CACNA2D2: variants seen among roughly 807,000 people sequenced by gnomAD.
CACNA2D2 encodes the protein calcium voltage-gated channel auxiliary subunit alpha2delta 2.
In CACNA2D2, 48 loss-of-function variants were observed where a neutral mutation model predicts 166.4. The ratio of observed to expected loss-of-function variants is 0.29; its 90% CI spans 0.23 to 0.37. The LOEUF (loss-of-function observed/expected upper bound fraction) is 0.37. Among genes scored for constraint, CACNA2D2 ranks in the 10% least tolerant of loss-of-function variants. The probability of loss-of-function intolerance (pLI) is 1.00; values close to 1 mark genes in which losing one functional copy is unlikely to be tolerated. For synonymous variants in CACNA2D2, 561 were observed against 573.7 expected (o/e 0.98, Z 0.32); for missense variants, 1,122 against 1,433.0 (o/e 0.78, Z 3.50).
chr3:50,439,540 A>G (rs1203533370), intron 2 of CACNA2D2, among the ~76,000 whole-genome samples: 3 of 152,166 alleles, frequency 2.0e-5, no homozygotes, highest in Non-Finnish European at 2.9e-5. Flanking sequence ...CTCCGGGGAG[A>G]CTGGCGCTCC....
rs1242064838 is a variant in CACNA2D2 at position 50,365,537 on chromosome 3, G to A, written c.2972-55C>T. 1.9e-6 allele frequency: 3 copies of A among 1,601,990 alleles called. No individual in the cohort carries two copies. Among genetic ancestry groups the A allele is most frequent in the East Asian group, 2.2e-5 (1 of 44,468 alleles). On this transcript the variant is annotated intron_variant, in intron 34 of 37. Transcript: ENST00000424201. The surrounding 1 kb of genome is among the most constrained non-coding windows in gnomAD (Gnocchi z 4.5). ...CCCACAGACCCTGGCAAGGTCTCCGGCCTCCCTCAGTCGTAGACCCCACCC... is the reference window on the plus strand; with the variant it reads ...CCCACAGACCCTGGCAAGGTCTCCGACCTCCCTCAGTCGTAGACCCCACCC...
intron 3 of CACNA2D2, among the ~76,000 whole-genome samples, chr3:50,426,504 C>T (rs1540293): frequency 0.083 from 12,687 of 152,192 alleles, 759 homozygotes; most frequent in East Asian, 0.25. Context: ...CTTCCAGGCC[C>T]GACACATGCC....
intron 3 of CACNA2D2, among the ~76,000 whole-genome samples, chr3:50,429,749 G>A (rs1452126048): frequency 3.3e-5 from 5 of 150,844 alleles, no homozygotes; most frequent in African/African-American, 7.3e-5. Context: ...CAGGCTGGGC[G>A]ACAGAGTGAG....
intron 22 of CACNA2D2, among the ~76,000 whole-genome samples, chr3:50,372,517 G>A (rs1046060902): frequency 1.3e-5 from 2 of 152,202 alleles, no homozygotes; most frequent in African/African-American, 4.8e-5. Flanking sequence ...CCAGCATCAG[G>A]GCGTGAGGCT....
In CACNA2D2 at chr3:50,364,714, C is replaced by T. The variant is rs1379269800; in HGVS notation, c.3384G>A (p.Pro1128=). The change falls in exon 38 of 38, where the codon CCG becomes CCA. Residue 1128 remains proline, a synonymous_variant. Transcript: ENST00000424201. ...SLQLLLLLGL[P]PRPQPQVLVH... is the part of the protein sequence containing the mutation. ...CGAGGACTTGAGGCTGCGGCCGGGG[C>T]GGCAGGCCCAGGAGGAGCAGCAGTT... 5.2e-6 allele frequency: 8 copies of T among 1,547,534 alleles called. No individual in the cohort carries two copies. The African/African-American group carries it at 1.1e-4, about 21-fold the overall frequency.
chr3:50,496,644 C>G (rs1329717199), intron 1 of CACNA2D2, among the ~76,000 whole-genome samples: 1 of 152,252 alleles, frequency 6.6e-6, no homozygotes, highest in Non-Finnish European at 1.5e-5. Flanking sequence ...GCCCTTATCA[C>G]AGACTCCCTG....
At chr3:50,476,307 A>G (rs1458606805) in intron 1 of CACNA2D2, 108 bp from the exon 2 acceptor site, 3 of 791,002 alleles carry the variant, frequency 3.8e-6, no homozygotes, top group East Asian at 5.5e-5. Context: ...TCACACCCCA[A>G]TTTTCACTAG....
chr3:50,400,799 T>C (rs1165234325), intron 3 of CACNA2D2, among the ~76,000 whole-genome samples: 1 of 152,254 alleles, frequency 6.6e-6, no homozygotes, highest in Non-Finnish European at 1.5e-5. Context: ...ACTTGGCTCC[T>C]GTCTCATCTT....
chr3:50,470,740 T>C (rs1312053696), intron 2 of CACNA2D2, among the ~76,000 whole-genome samples: 1 of 150,674 alleles, frequency 6.6e-6, no homozygotes, highest in East Asian at 1.9e-4. Context: ...TGCCCCCAGG[T>C]CTGGGCCTGG....
At chr3:50,493,506 G>A (rs1443451743) in intron 1 of CACNA2D2, among the ~76,000 whole-genome samples, 1 of 152,190 alleles carries the variant, frequency 6.6e-6, no homozygotes, top group African/African-American at 2.4e-5. Flanking sequence ...GTTGGCCAAG[G>A]ACAGACAGTT....
intron 3 of CACNA2D2, among the ~76,000 whole-genome samples, chr3:50,431,895 G>A (rs1327527995): frequency 7.3e-6 from 1 of 137,530 alleles, no homozygotes; most frequent in African/African-American, 2.8e-5. Flanking sequence ...TAAACCACAA[G>A]AATCACTTGA....
intron 2 of CACNA2D2, among the ~76,000 whole-genome samples, chr3:50,461,192 T>C (rs1285303860): frequency 6.6e-6 from 1 of 152,136 alleles, no homozygotes; most frequent in East Asian, 1.9e-4. Context: ...GGGAGAAAAT[T>C]TACAAGTTTC....
chr3:50,468,380 AGTGTGTGTGT>A (rs3220659), intron 2 of CACNA2D2, among the ~76,000 whole-genome samples: 1,666 of 83,134 alleles, frequency 0.02, 13 homozygotes, highest in Middle Eastern at 0.037. Context: ...TCATCAGAAT[AGTGTGTGTGT>A]GTGTGTGTGT....
At chr3:50,476,851 C>G (rs1697798339) in intron 1 of CACNA2D2, among the ~76,000 whole-genome samples, 3 of 152,104 alleles carry the variant, frequency 2.0e-5, no homozygotes, top group Admixed American at 2.0e-4. Context: ...CATCCTGCCT[C>G]ACAATCCACC....
chr3:50,435,711 G>T (rs546342819), intron 2 of CACNA2D2, among the ~76,000 whole-genome samples: 1 of 152,186 alleles, frequency 6.6e-6, no homozygotes, highest in Non-Finnish European at 1.5e-5. Context: ...GCAGTCCAGG[G>T]GTTAAAGCAC....
upstream of CACNA2D2, among the ~76,000 whole-genome samples, chr3:50,503,825 G>C (rs558595964): frequency 4.0e-5 from 6 of 150,980 alleles, no homozygotes; most frequent in Middle Eastern, 3.4e-3. Flanking sequence ...CTACTGGCTC[G>C]GGCGTCCTGC....
At chr3:50,388,931 G>A in intron 4 of CACNA2D2, among the ~76,000 whole-genome samples, 1 of 152,258 alleles carries the variant, frequency 6.6e-6, no homozygotes, top group East Asian at 1.9e-4. Context: ...ACTTCCTGAG[G>A]AATGTAAGGC....
intron 4 of CACNA2D2, among the ~76,000 whole-genome samples, chr3:50,389,197 G>C (rs1040003238): frequency 2.1e-4 from 32 of 152,178 alleles, no homozygotes; most frequent in Non-Finnish European, 3.1e-4. Flanking sequence ...CAGGGTGCTC[G>C]GCCTTTCCCT....
At chr3:50,478,588 C>T (rs1697902826) in intron 1 of CACNA2D2, among the ~76,000 whole-genome samples, 1 of 152,214 alleles carries the variant, frequency 6.6e-6, no homozygotes, top group Non-Finnish European at 1.5e-5. Context: ...TACTTTCTCG[C>T]TTCAGTCCTT....
Sources: gnomAD v4.1 joint callset for allele counts (sites outside exome capture counted in the v4.1 genomes callset) on GRCh38, gnomAD v4.1.1 for gene constraint, Gnocchi (gnomAD v3.1) non-coding constraint, MANE v1.5 for transcripts, NCBI Gene and HGNC (gene_info 2026-07-23, HGNC 2026-07-21) for gene names.